Variants in PLCZ1 observed in about 807,000 individuals in gnomAD.
The protein encoded by PLCZ1 is 1-phosphatidylinositol 4,5-bisphosphate phosphodiesterase zeta-1.
PLCZ1 carries 64 observed loss-of-function variants against 76.8 expected under a neutral mutation model. That is an observed-to-expected ratio of 0.83 (90% CI 0.68 to 1.03). The LOEUF (loss-of-function observed/expected upper bound fraction) is 1.03, where lower values mean the gene tolerates loss of function less well. Among genes scored for constraint, PLCZ1 ranks in the 50% least tolerant of loss-of-function variants. The probability of loss-of-function intolerance (pLI) is 0.00; values close to 1 mark genes in which losing one functional copy is unlikely to be tolerated. For missense variants in PLCZ1, 751 were observed against 713.7 expected (o/e 1.05, Z -0.60); for synonymous variants, 248 against 230.8 (o/e 1.07, Z -0.68).
At chr12:18,716,330 T>G (rs574596487) in intron 5 of PLCZ1, among the ~76,000 whole-genome samples, 1 of 152,166 alleles carries the variant, frequency 6.6e-6, no homozygotes, top group African/African-American at 2.4e-5. Context: ...CTCTAGATAG[T>G]TTTAATTTTA....
intron 10 of PLCZ1, among the ~76,000 whole-genome samples, chr12:18,696,845 A>T (rs1175058333): frequency 6.6e-6 from 1 of 152,080 alleles, no homozygotes; most frequent in African/African-American, 2.4e-5. Flanking sequence ...CTGTGTTTAC[A>T]TGTCTCCATT....
intron 13 of PLCZ1, chr12:18,685,635 G>T (rs764502289): frequency 1.9e-6 from 1 of 516,686 alleles, no homozygotes; most frequent in East Asian, 5.5e-5. Context: ...GCTCATGCTG[G>T]AATAATGACC....
At chr12:18,655,008 T>G in the PLCZ1 span, among the ~76,000 whole-genome samples, 1 of 151,770 alleles carries the variant, frequency 6.6e-6, no homozygotes, top group East Asian at 1.9e-4. Context: ...GAATAAAAAG[T>G]TATAAACCCA....
intron 7 of PLCZ1, 139 bp from the exon 8 acceptor site, chr12:18,701,915 C>T (rs1312946149): frequency 8.1e-7 from 1 of 1,237,376 alleles, no homozygotes; most frequent in Non-Finnish European, 1.1e-6. Context: ...TTCCCATACC[C>T]CTATTCACAT....
the PLCZ1 span, chr12:18,647,927 G>T: frequency 6.3e-7 from 1 of 1,597,318 alleles, no homozygotes; most frequent in Non-Finnish European, 8.5e-7. Flanking sequence ...AATGCTTATT[G>T]TGAAGAGTAA....
chr12:18,686,061 T>C (rs544178894), intron 13 of PLCZ1, among the ~76,000 whole-genome samples: 2 of 152,132 alleles, frequency 1.3e-5, no homozygotes, highest in Non-Finnish European at 2.9e-5. Flanking sequence ...TCTAGCTAAA[T>C]CATCTTAAAA....
chr12:18,731,533 C>CTTTTTTT (rs34568267), intron 3 of PLCZ1, among the ~76,000 whole-genome samples: 4 of 94,348 alleles, frequency 4.2e-5, no homozygotes, highest in Non-Finnish European at 7.8e-5. Context: ...AATAAGCTGT[C>CTTTTTTT]TTTTTTTTTT....
At chr12:18,690,253 G>A (rs1032219492) in intron 12 of PLCZ1, among the ~76,000 whole-genome samples, 3 of 151,990 alleles carry the variant, frequency 2.0e-5, no homozygotes, top group African/African-American at 7.2e-5. Flanking sequence ...GACGAACTTT[G>A]GCTCTTGCTA....
At chr12:18,722,263 T>C (rs1204316770) in intron 4 of PLCZ1, among the ~76,000 whole-genome samples, 2 of 152,008 alleles carry the variant, frequency 1.3e-5, no homozygotes, top group Admixed American at 1.3e-4. Context: ...TAAGATATCC[T>C]TTTACATGCT....
chr12:18,674,372 T>C, the PLCZ1 span, among the ~76,000 whole-genome samples: 2 of 150,588 alleles, frequency 1.3e-5, no homozygotes, highest in African/African-American at 2.4e-5. Context: ...GTTTTACATG[T>C]CTGCAATAGA....
the PLCZ1 span, among the ~76,000 whole-genome samples, chr12:18,652,624 G>C: frequency 0.58 from 88,762 of 151,858 alleles, 26,773 homozygotes; most frequent in East Asian, 0.91. Context: ...TTGGCACAAT[G>C]TTTTTTAAAA....
chr12:18,687,914 C>T (rs1181040164), intron 13 of PLCZ1, among the ~76,000 whole-genome samples, 175 bp downstream of exon 13: 1 of 151,852 alleles, frequency 6.6e-6, no homozygotes, highest in Non-Finnish European at 1.5e-5. Flanking sequence ...AGCTAAACAA[C>T]CTAATCATTA....
the PLCZ1 span, among the ~76,000 whole-genome samples, chr12:18,663,675 A>T: frequency 6.6e-6 from 1 of 152,110 alleles, no homozygotes; most frequent in African/African-American, 2.4e-5. Context: ...AAGCTTTATG[A>T]TGTTGGATTT....
chr12:18,734,174 T>A (rs1959174775), intron 3 of PLCZ1, among the ~76,000 whole-genome samples: 1 of 152,218 alleles, frequency 6.6e-6, no homozygotes, highest in Non-Finnish European at 1.5e-5. Context: ...ACTTCCTTGG[T>A]TAAATTTATT....
At chr12:18,689,515 C>A (rs1449202092) in intron 12 of PLCZ1, among the ~76,000 whole-genome samples, 1 of 152,150 alleles carries the variant, frequency 6.6e-6, no homozygotes, top group Admixed American at 6.5e-5. Flanking sequence ...AATTCCTCTT[C>A]TTCCAACGTG....
At position 18,695,013 on chromosome 12, in the gene PLCZ1, C is replaced by A. The variant is rs749562548; in HGVS notation, c.1358G>T (p.Gly453Val). Residue 453 changes from glycine (G) to valine (V), a missense_variant, in exon 12 of 15, where the codon GGT becomes GTT. Coordinates refer to ENST00000266505, the MANE Select transcript of PLCZ1 (RefSeq NM_033123.4). ...DLQNGKFLDN[G>V]GSGYILKPHF... ...TGGTTTCAAAATATATCCAGAACCACCATTATCCAAAAATTTCCCATTTTG... is the reference window on the plus strand; with the variant it reads ...TGGTTTCAAAATATATCCAGAACCAACATTATCCAAAAATTTCCCATTTTG... The A allele has an allele frequency of 6.2e-6, 10 of 1,612,416 alleles. No homozygotes were observed. The highest frequency in any genetic ancestry group is 8.5e-6 in the Non-Finnish European group (10 of 1,178,738).
At chr12:18,681,954 C>T (rs369214673), downstream of PLCZ1, among the ~76,000 whole-genome samples, 2 of 151,906 alleles carry the variant, frequency 1.3e-5, no homozygotes, top group African/African-American at 2.4e-5. Context: ...AAGGGTAAAG[C>T]GTTGGGTCAA....
At chr12:18,701,417 C>T in intron 9 of PLCZ1, 84 bp downstream of exon 9, 1 of 1,596,490 alleles carries the variant, frequency 6.3e-7, no homozygotes, top group South Asian at 1.1e-5. Flanking sequence ...AATGATTTTT[C>T]TCCAGAATTT....
chr12:18,695,822 C>A (rs1038985996), intron 11 of PLCZ1, among the ~76,000 whole-genome samples: 1 of 152,084 alleles, frequency 6.6e-6, no homozygotes, highest in Non-Finnish European at 1.5e-5. Flanking sequence ...TTTGAAGAGG[C>A]CTTGAGCATA....
Sources: allele counts gnomAD v4.1 joint callset (sites outside exome capture counted in the v4.1 genomes callset), GRCh38; gene constraint gnomAD v4.1.1; transcripts MANE v1.5; gene names NCBI Gene and HGNC (gene_info 2026-07-23, HGNC 2026-07-21).